Variants in PDE6A observed in about 807,000 individuals in gnomAD.
PDE6A encodes phosphodiesterase 6A, also known as rod cGMP-specific 3',5'-cyclic phosphodiesterase subunit alpha.
Under a neutral mutation model 106.3 loss-of-function variants are expected in PDE6A, and 84 were observed. The observed-to-expected ratio is 0.79, with a 90% CI of 0.66 to 0.95. The LOEUF (loss-of-function observed/expected upper bound fraction) is 0.95, where lower values mean the gene tolerates loss of function less well. PDE6A is among the 40% of genes least tolerant of loss of function. PDE6A has a pLI of 0.00. For synonymous variants in PDE6A, 394 were observed against 386.6 expected (o/e 1.02, Z -0.23); for missense variants, 1,052 against 1,084.9 (o/e 0.97, Z 0.43).
chr5:149,898,628 G>A (rs1201532472), intron 9 of PDE6A, 122 bp from the exon 10 acceptor site: 4 of 952,424 alleles, frequency 4.2e-6, no homozygotes, highest in Non-Finnish European at 6.4e-6. Context: ...TTGATAAGCT[G>A]TGTGCTGCCC....
intron 4 of PDE6A, among the ~76,000 whole-genome samples, chr5:149,926,979 CAAA>C (rs539891462): frequency 5.7e-5 from 4 of 70,428 alleles, no homozygotes; most frequent in African/African-American, 5.3e-5. Flanking sequence ...ACTCCGTCTC[CAAA>C]AAAAAAAAAA....
intron 6 of PDE6A, among the ~76,000 whole-genome samples, chr5:149,913,312 G>A (rs13355953): frequency 0.15 from 23,399 of 151,368 alleles, 2,015 homozygotes; most frequent in African/African-American, 0.24. Flanking sequence ...AACCCAGGAG[G>A]TGGAAGTTGT....
chr5:149,938,929 T>C (rs1040897526), intron 1 of PDE6A, among the ~76,000 whole-genome samples: 1 of 152,144 alleles, frequency 6.6e-6, no homozygotes, highest in Non-Finnish European at 1.5e-5. Context: ...CTCAGGTTTT[T>C]GGAGGGTGCT....
Position 149,900,375 on chromosome 5 carries a change from G to GTATATATA in PDE6A, c.1114-859_1114-852dup, listed in dbSNP as rs55680278. 9.5e-3 allele frequency among the ~76,000 whole-genome samples: 785 copies of GTATATATA among 82,550 alleles called. 67 individuals carry two copies. The highest frequency in any genetic ancestry group is 0.014 in the African/African-American group (374 of 26,258). The allele number at this position is 82,550 out of a possible 152,430, so 54.2% of individuals were successfully genotyped here. On this transcript the variant is annotated intron_variant, in intron 8 of 21. Transcript: ENST00000255266. ...AGACTCCATCTCGAAAAATATATAT[G>GTATATATA]TATATATATATATATATATATATCC...
chr5:149,940,408 C>T (rs1019544515), intron 1 of PDE6A, among the ~76,000 whole-genome samples: 2 of 152,086 alleles, frequency 1.3e-5, no homozygotes, highest in African/African-American at 2.4e-5. Flanking sequence ...GGGAGCCATG[C>T]GCCCATGTGG....
chr5:149,925,638 C>T (rs1310998149), intron 4 of PDE6A, among the ~76,000 whole-genome samples: 2 of 139,698 alleles, frequency 1.4e-5, no homozygotes, highest in East Asian at 2.2e-4. Flanking sequence ...ACCCAGGAGG[C>T]GGAGGTTGCA....
At chr5:149,883,062 C>CAAAA (rs1269396965) in intron 17 of PDE6A, among the ~76,000 whole-genome samples, 1 of 151,928 alleles carries the variant, frequency 6.6e-6, no homozygotes, top group East Asian at 1.9e-4. Context: ...TGTCTCAAAA[C>CAAAA]AAAAAACAAA....
chr5:149,872,575 C>G (rs750789296), intron 17 of PDE6A, among the ~76,000 whole-genome samples: 24 of 152,164 alleles, frequency 1.6e-4, no homozygotes, highest in Non-Finnish European at 3.1e-4. Flanking sequence ...CTTCCTGACT[C>G]CTGGCCAACT....
At chr5:149,927,947 T>C (rs1174555536) in intron 4 of PDE6A, among the ~76,000 whole-genome samples, 1 of 151,710 alleles carries the variant, frequency 6.6e-6, no homozygotes, top group East Asian at 1.9e-4. Flanking sequence ...CTCCACACTT[T>C]GTCCCCCTGG....
chr5:149,887,493 G>C (rs1298748767), intron 13 of PDE6A, among the ~76,000 whole-genome samples: 1 of 152,146 alleles, frequency 6.6e-6, no homozygotes, highest in African/African-American at 2.4e-5. Flanking sequence ...GCCAGACCCT[G>C]TCTCTACAAA....
chr5:149,932,834 G>A (rs1386010743), intron 3 of PDE6A, among the ~76,000 whole-genome samples: 1 of 152,200 alleles, frequency 6.6e-6, no homozygotes, highest in East Asian at 1.9e-4. Context: ...CCGCCCACAG[G>A]AGGGTCCCGG....
chr5:149,901,030 C>G (rs550299492), intron 8 of PDE6A, among the ~76,000 whole-genome samples: 55 of 152,244 alleles, frequency 3.6e-4, no homozygotes, highest in African/African-American at 1.3e-3. Flanking sequence ...ATTCTCCTGT[C>G]TCAGCCTCCC....
intron 13 of PDE6A, 102 bp from the exon 14 acceptor site, chr5:149,886,476 A>T (rs1752310658): frequency 1.2e-6 from 1 of 820,376 alleles, no homozygotes; most frequent in East Asian, 2.6e-5. Context: ...TAAAAAACTC[A>T]TGGGTCTGAT....
At chr5:149,887,489 C>T (rs920748378) in intron 13 of PDE6A, among the ~76,000 whole-genome samples, 3 of 152,144 alleles carry the variant, frequency 2.0e-5, no homozygotes, top group African/African-American at 7.2e-5. Flanking sequence ...CACAGCCAGA[C>T]CCTGTCTCTA....
intron 4 of PDE6A, among the ~76,000 whole-genome samples, 173 bp downstream of exon 4, chr5:149,930,855 T>G (rs1467843072): frequency 6.6e-6 from 1 of 152,192 alleles, no homozygotes; most frequent in Non-Finnish European, 1.5e-5. Context: ...AGATTGACTT[T>G]TCCCCTTTAA....
chr5:149,888,044 G>A (rs559859882), intron 13 of PDE6A, among the ~76,000 whole-genome samples: 1 of 152,234 alleles, frequency 6.6e-6, no homozygotes, highest in East Asian at 1.9e-4. Context: ...GGGTGAGGTG[G>A]GAGGATCGCT....
chr5:149,944,608 C>T lies in PDE6A; in HGVS notation c.66G>A (p.Gln22=). 6.2e-7 allele frequency: 1 copy of T among 1,613,952 alleles called. No homozygotes were observed. The highest frequency in any genetic ancestry group is 8.5e-7 in the Non-Finnish European group (1 of 1,179,982). ...FLDSNIGFAK[Q]YYNLHYRAKL... is the part of the protein sequence containing the mutation. The stretch of plus-strand genomic sequence containing the variant: ...TGGCCCGGTAGTGGAGGTTGTAGTA[C>T]TGTTTGGCAAAGCCAATATTCGAGT... The change falls in exon 1 of 22, where the codon CAG becomes CAA. Residue 22 remains glutamine (Q), a synonymous_variant. Coordinates refer to ENST00000255266, the MANE Select transcript of PDE6A (RefSeq NM_000440.3).
intron 5 of PDE6A, among the ~76,000 whole-genome samples, chr5:149,920,947 A>AAAGAAAG (rs1554091234): frequency 1.8e-5 from 2 of 109,662 alleles, no homozygotes; most frequent in South Asian, 2.8e-4. Context: ...AGAGAAAAAG[A>AAAGAAAG]AAGAAAGAAA....
In PDE6A at chr5:149,929,593, C is replaced by T. The variant is rs1441484960; in HGVS notation, c.858+1435G>A. 6.5e-5 allele frequency among the ~76,000 whole-genome samples: 9 copies of T among 137,794 alleles called. No individual in the cohort carries two copies. The East Asian group carries it at 1.6e-3, about 24-fold the overall frequency. 90.4% of individuals were successfully genotyped at this position (137,794 alleles called of 152,430 possible). Reference sequence around the variant, plus strand: ...CTGCACTCCAGCCTGGGTGACAGAGCGAGACTCCGTCTCAAAAAATAAATA... The same window carrying T: ...CTGCACTCCAGCCTGGGTGACAGAGTGAGACTCCGTCTCAAAAAATAAATA... On this transcript the variant is annotated intron_variant, in intron 4 of 21. Coordinates refer to ENST00000255266, the MANE Select transcript of PDE6A (RefSeq NM_000440.3).
Sources: gnomAD v4.1 joint callset for allele counts (sites outside exome capture counted in the v4.1 genomes callset) on GRCh38, gnomAD v4.1.1 for gene constraint, MANE v1.5 for transcripts, NCBI Gene and HGNC (gene_info 2026-07-23, HGNC 2026-07-21) for gene names.